The following CSMD1 variants were observed in gnomAD, a reference collection of about 807,000 sequenced individuals.
CSMD1 encodes the protein CUB and sushi domain-containing protein 1.
A neutral mutation model predicts 417.5 loss-of-function variants in CSMD1; 213 were observed. The ratio of observed to expected loss-of-function variants is 0.51; its 90% CI spans 0.46 to 0.57. The LOEUF (loss-of-function observed/expected upper bound fraction) is 0.57, where lower values mean the gene tolerates loss of function less well. CSMD1 is among the 20% of genes least tolerant of loss of function. The pLI, the probability that CSMD1 is intolerant of heterozygous loss-of-function variation, is 0.00. For missense variants in CSMD1, 6,923 were observed against 4,529.7 expected (o/e 1.53, Z -15.17); for synonymous variants, 2,862 against 1,736.8 (o/e 1.65, Z -16.11).
intron 1 of CSMD1, among the ~76,000 whole-genome samples, chr8:4,867,001 C>T (rs762732133): frequency 2.0e-5 from 3 of 152,002 alleles, no homozygotes; most frequent in Non-Finnish European, 4.4e-5. Flanking sequence ...CAGCATATTA[C>T]TACTCAATTC....
At chr8:3,501,600 G>A (rs1796603507) in intron 10 of CSMD1, among the ~76,000 whole-genome samples, 1 of 152,120 alleles carries the variant, frequency 6.6e-6, no homozygotes, top group South Asian at 2.1e-4. Flanking sequence ...CACACTGGAA[G>A]GAACACTGGA....
intron 7 of CSMD1, among the ~76,000 whole-genome samples, chr8:3,626,987 C>A (rs951811015): frequency 1.3e-5 from 2 of 151,476 alleles, no homozygotes. Context: ...TACCATAGTA[C>A]GATATATAAA....
At chr8:4,177,657 G>T (rs1237924849) in intron 3 of CSMD1, among the ~76,000 whole-genome samples, 4 of 139,866 alleles carry the variant, frequency 2.9e-5, no homozygotes. Flanking sequence ...TTTTTGAAAA[G>T]ATCAACAAAA....
At chr8:3,837,588 A>G (rs924773216) in intron 5 of CSMD1, among the ~76,000 whole-genome samples, 1 of 152,204 alleles carries the variant, frequency 6.6e-6, no homozygotes, top group Non-Finnish European at 1.5e-5. Context: ...ACTGACAAGT[A>G]AGTTTAGAAG....
At chr8:4,564,793 T>C (rs62486665) in intron 2 of CSMD1, among the ~76,000 whole-genome samples, 9,457 of 152,306 alleles carry the variant, frequency 0.062, 390 homozygotes, top group East Asian at 0.15. Flanking sequence ...AACAAGCACC[T>C]AGAATTTAAA....
intron 3 of CSMD1, among the ~76,000 whole-genome samples, chr8:4,373,246 C>T (rs1204603351): frequency 6.6e-6 from 1 of 152,090 alleles, no homozygotes; most frequent in Non-Finnish European, 1.5e-5. Flanking sequence ...CCAAGAGGAG[C>T]CTACGAAGGT....
chr8:3,065,299 A>ATATG (rs1194229829), intron 49 of CSMD1, among the ~76,000 whole-genome samples: 1 of 113,564 alleles, frequency 8.8e-6, no homozygotes, highest in Non-Finnish European at 1.9e-5. Context: ...AGATAGATAG[A>ATATG]TAGGTAGATA....
rs765475665 is a variant in CSMD1 at position 4,717,737 on chromosome 8, G to A, written c.86-80179C>T. The stretch of plus-strand genomic sequence containing the variant: ...ACATACAGTGGAGCCATGTTTGCAG[G>A]AAGCAATCAGTCTCTGTCAGAAACT... On this transcript the variant is annotated intron_variant, in intron 1 of 69. Coordinates refer to ENST00000635120, the MANE Select transcript of CSMD1 (RefSeq NM_033225.6). Among the ~76,000 whole-genome samples, 5 of 152,106 alleles carry A rather than the reference G, an allele frequency of 3.3e-5. No homozygotes were observed. In the South Asian group the frequency reaches 8.3e-4, roughly 25 times the overall value.
chr8:4,449,767 T>A (rs926591600), intron 2 of CSMD1, among the ~76,000 whole-genome samples: 7 of 151,996 alleles, frequency 4.6e-5, no homozygotes, highest in African/African-American at 1.7e-4. Context: ...GGCAAGCAGT[T>A]GGGAGCAGCT....
At chr8:4,191,991 T>C (rs17069308) in intron 3 of CSMD1, among the ~76,000 whole-genome samples, 4,261 of 152,214 alleles carry the variant, frequency 0.028, 218 homozygotes, top group African/African-American at 0.097. Context: ...TCCCTAAGGA[T>C]TTCACTCGAA....
chr8:4,751,829 T>A (rs1482966686), intron 1 of CSMD1, among the ~76,000 whole-genome samples: 1 of 152,164 alleles, frequency 6.6e-6, no homozygotes. Flanking sequence ...TGTCTTCGGT[T>A]TCATGTTCTC....
chr8:3,142,767 C>T (rs1221350833), intron 40 of CSMD1, 93 bp from the exon 41 acceptor site: 2 of 1,021,708 alleles, frequency 2.0e-6, no homozygotes, highest in East Asian at 2.4e-5. Context: ...GCAGTCTCCC[C>T]AGACAATCCC....
chr8:4,635,759 G>A (rs955345152), intron 2 of CSMD1, among the ~76,000 whole-genome samples: 1 of 151,982 alleles, frequency 6.6e-6, no homozygotes, highest in Non-Finnish European at 1.5e-5. Context: ...AATTATTTAA[G>A]AAAGCCTACA....
intron 18 of CSMD1, among the ~76,000 whole-genome samples, chr8:3,387,150 G>T (rs62503519): frequency 0.049 from 7,387 of 152,218 alleles, 204 homozygotes; most frequent in Middle Eastern, 0.086. Flanking sequence ...GTATGTCAGG[G>T]GAAAATCAGG....
rs184054984 is a variant in CSMD1 at position 3,908,714 on chromosome 8, C to A, written c.818+89189G>T. ...GGTGAAGCAATCGCTTAATAGCAGG[C>A]CAGAGGTCTCAAAGATATTATTAAT... On this transcript the variant is annotated intron_variant, in intron 5 of 69. Transcript: ENST00000635120. Among the ~76,000 whole-genome samples, 243 of 152,212 alleles carry A rather than the reference C, an allele frequency of 1.6e-3. 1 individual carries two copies. Among genetic ancestry groups the A allele is most frequent in the African/African-American group, 5.5e-3 (230 of 41,518 alleles).
chr8:4,001,433 G>A (rs1815666016), intron 4 of CSMD1, among the ~76,000 whole-genome samples: 1 of 152,162 alleles, frequency 6.6e-6, no homozygotes, highest in South Asian at 2.1e-4. Context: ...AGGGCTCCGG[G>A]TAGTGGATAT....
intron 10 of CSMD1, among the ~76,000 whole-genome samples, chr8:3,531,759 G>T (rs143400079): frequency 5.9e-5 from 9 of 152,332 alleles, no homozygotes; most frequent in African/African-American, 2.2e-4. Context: ...ACAAAGAGCA[G>T]CCTGGAAGAT....
intron 2 of CSMD1, among the ~76,000 whole-genome samples, chr8:4,598,183 C>T (rs911341343): frequency 8.5e-5 from 13 of 152,076 alleles, no homozygotes; most frequent in African/African-American, 2.7e-4. Flanking sequence ...TTTTGTAAAA[C>T]GGAATTATCA....
At chr8:3,560,161 G>A (rs1334374161) in intron 10 of CSMD1, among the ~76,000 whole-genome samples, 2 of 152,160 alleles carry the variant, frequency 1.3e-5, no homozygotes, top group East Asian at 3.8e-4. Context: ...ACTTATCTCT[G>A]TAAGGCACAG....
Sources: gnomAD v4.1 joint callset for allele counts (sites outside exome capture counted in the v4.1 genomes callset) on GRCh38, gnomAD v4.1.1 for gene constraint, MANE v1.5 for transcripts, NCBI Gene and HGNC (gene_info 2026-07-23, HGNC 2026-07-21) for gene names.